The following ZNF846 variants were observed in gnomAD, a reference collection of about 807,000 sequenced individuals.
ZNF846 encodes zinc finger protein 420 pseudogene.
In ZNF846, 15 loss-of-function variants were observed where a neutral mutation model predicts 16.0. The observed-to-expected ratio is 0.94, with a 90% confidence interval of 0.63 to 1.45. The LOEUF (loss-of-function observed/expected upper bound fraction) is 1.45, where lower values mean the gene tolerates loss of function less well. ZNF846 is among the 40% of genes most tolerant of loss of function. The pLI is 0.00. For synonymous variants in ZNF846, 229 were observed against 212.0 expected (o/e 1.08, Z -0.70); for missense variants, 714 against 622.3 (o/e 1.15, Z -1.57).
downstream of ZNF846, chr19:9,756,121 T>C (rs1051134919): frequency 2.0e-5 from 3 of 149,526 alleles, no homozygotes; most frequent in African/African-American, 5.1e-5. Context: ...ATTACAAGCA[T>C]GAGTCACCAC....
intron 1 of ZNF846, among the ~76,000 whole-genome samples, chr19:9,782,012 G>C (rs1012167479): frequency 2.0e-5 from 3 of 151,940 alleles, no homozygotes; most frequent in Admixed American, 2.0e-4. Flanking sequence ...CCTGACTCCA[G>C]ATGATCCACC....
chr19:9,757,761 G>A (rs777748418), exon 6 of ZNF846: 2 of 1,613,180 alleles, frequency 1.2e-6, no homozygotes, highest in South Asian at 1.1e-5. Context: ...TCTTAAATGG[G>A]TACTAAGGCC....
chr19:9,772,870 G>A (rs537223579), upstream of ZNF846, among the ~76,000 whole-genome samples: 6 of 152,176 alleles, frequency 3.9e-5, no homozygotes, highest in South Asian at 1.2e-3. Flanking sequence ...AAGCTCATGA[G>A]TTCCAGACCA....
chr19:9,768,520 C>A, exon 1 of ZNF846: 1 of 152,260 alleles, frequency 6.6e-6, no homozygotes, highest in Non-Finnish European at 1.5e-5. Context: ...GGCGGGAACC[C>A]CCCGCCTCGG....
At chr19:9,757,849 T>C (rs778800834) in exon 6 of ZNF846, 4 of 1,613,228 alleles carry the variant, frequency 2.5e-6, no homozygotes, top group East Asian at 2.2e-5. Flanking sequence ...ACATGTTGAC[T>C]AAGCATTGAG....
chr19:9,756,525 G>A (rs2145184744), downstream of ZNF846: 1 of 150,966 alleles, frequency 6.6e-6, no homozygotes. Context: ...GACTGACTTA[G>A]TAACACTGGA....
At chr19:9,771,003 GT>G (rs1052098580), upstream of ZNF846, among the ~76,000 whole-genome samples, 15 of 152,040 alleles carry the variant, frequency 9.9e-5, no homozygotes, top group African/African-American at 3.6e-4. Context: ...GAAACAGGTG[GT>G]TTTGGGTTAC....
intron 3 of ZNF846, 58 bp from the exon 4 acceptor site, chr19:9,762,226 C>T (rs2045242896): frequency 3.0e-6 from 4 of 1,317,572 alleles, no homozygotes; most frequent in Admixed American, 1.8e-5. Context: ...CCATGTCCTT[C>T]AATGGGGAAC....
At chr19:9,752,742 T>G (rs1009530388), downstream of ZNF846, among the ~76,000 whole-genome samples, 22 of 152,134 alleles carry the variant, frequency 1.4e-4, no homozygotes, top group Admixed American at 1.4e-3. Context: ...CATACATTAT[T>G]TAATTTACAT....
At chr19:9,754,226 TC>T (rs1300486659), downstream of ZNF846, among the ~76,000 whole-genome samples, 1 of 151,566 alleles carries the variant, frequency 6.6e-6, no homozygotes, top group Non-Finnish European at 1.5e-5. Context: ...CATGGAATGA[TC>T]TTTTTCCATT....
chr19:9,759,915 C>A (rs774655547), exon 5 of ZNF846: 3 of 1,612,908 alleles, frequency 1.9e-6, no homozygotes, highest in Non-Finnish European at 1.7e-6. Context: ...CAGTGGGGAG[C>A]CTTTGGTTTT....
At chr19:9,780,016 A>T (rs2045484991) in intron 1 of ZNF846, among the ~76,000 whole-genome samples, 1 of 150,010 alleles carries the variant, frequency 6.7e-6, no homozygotes, top group Non-Finnish European at 1.5e-5. Flanking sequence ...AGCTAGGACT[A>T]CAAATGCATG....
intron 1 of ZNF846, 24 bp from the exon 2 acceptor site, chr19:9,765,059 T>C (rs949056872): frequency 3.3e-6 from 4 of 1,203,066 alleles, no homozygotes; most frequent in African/African-American, 3.0e-5. Context: ...TAATGGCATG[T>C]CAGTTGGATA....
downstream of ZNF846, chr19:9,756,345 G>GCA (rs1555711380): frequency 1.2e-5 from 1 of 81,776 alleles, no homozygotes; most frequent in Non-Finnish European, 2.2e-5. Flanking sequence ...GTGTGTGTGT[G>GCA]TATATATATA....
At chr19:9,777,571 T>C (rs1281165042) in intron 1 of ZNF846, among the ~76,000 whole-genome samples, 1 of 151,034 alleles carries the variant, frequency 6.6e-6, no homozygotes, top group Admixed American at 6.6e-5. Context: ...CTTGGGAGGC[T>C]GAGGCAGGAG....
At chr19:9,755,058 G>A (rs1391097305), downstream of ZNF846, among the ~76,000 whole-genome samples, 2 of 151,128 alleles carry the variant, frequency 1.3e-5, no homozygotes, top group African/African-American at 2.5e-5. Context: ...TAGAGACGGG[G>A]TTTCACCATG....
In ZNF846 at chr19:9,780,050, T is replaced by TTG. The variant is rs1298330384; in HGVS notation, c.-86+5887_-86+5888insCA. 5.3e-3 allele frequency among the ~76,000 whole-genome samples: 773 copies of TTG among 146,838 alleles called. 10 individuals carry two copies. The highest frequency in any genetic ancestry group is 0.02 in the African/African-American group (748 of 38,142). ...TGCCACCATGCCCAGCTAATTTTGTTTTTTTTTTTGTTTTTTTTTTTGTAG... is the reference window on the plus strand; with the variant it reads ...TGCCACCATGCCCAGCTAATTTTGTTTGTTTTTTTTTGTTTTTTTTTTTGTAG... On this transcript the variant is annotated intron_variant, in intron 1 of 4. Transcript: ENST00000586814.
At chr19:9,764,598 T>C (rs2045284234) in intron 2 of ZNF846, among the ~76,000 whole-genome samples, 1 of 152,206 alleles carries the variant, frequency 6.6e-6, no homozygotes, top group South Asian at 2.1e-4. Flanking sequence ...GTATATCCAG[T>C]GCATTGTTGG....
chr19:9,751,104 C>T (rs1022052337), downstream of ZNF846, among the ~76,000 whole-genome samples: 3 of 152,220 alleles, frequency 2.0e-5, no homozygotes, highest in South Asian at 4.2e-4. Flanking sequence ...ACCTGTCTTC[C>T]TCCTTCTCTT....
Sources: allele counts gnomAD v4.1 joint callset (sites outside exome capture counted in the v4.1 genomes callset), GRCh38; gene constraint gnomAD v4.1.1; transcripts MANE v1.5; gene names NCBI Gene and HGNC (gene_info 2026-07-23, HGNC 2026-07-21).